Variants in C15orf40 observed in about 807,000 individuals in gnomAD.
The protein encoded by C15orf40 is chromosome 15 open reading frame 40, also known as UPF0235 protein C15orf40.
Under a neutral mutation model 13.9 loss-of-function variants are expected in C15orf40, and 9 were observed. The ratio of observed to expected loss-of-function variants is 0.65; its 90% CI spans 0.39 to 1.13. C15orf40 has a LOEUF of 1.13. Ranked by LOEUF, C15orf40 falls within the 50% of genes most tolerant of loss-of-function variation. The probability of loss-of-function intolerance (pLI) is 0.01; values close to 1 mark genes in which losing one functional copy is unlikely to be tolerated. For missense variants in C15orf40, 225 were observed against 188.5 expected (o/e 1.19, Z -1.13); for synonymous variants, 95 against 69.2 (o/e 1.37, Z -1.85).
In C15orf40 at chr15:83,000,434, C is replaced by G. The variant is rs1289179107; in HGVS notation, c.*5163G>C. The G allele has an allele frequency of 1.3e-5, 2 of 152,252 alleles. No homozygotes were observed. Among genetic ancestry groups the G allele is most frequent in the Non-Finnish European group, 2.9e-5 (2 of 68,060 alleles). 9.4% of individuals were successfully genotyped at this position (152,252 alleles called of 1,614,324 possible). ...GGCCCCAAGTTAACAACACTCCGAC[C>G]TGAGCTAAATTTAAGATACAAGGGG... On this transcript the variant is annotated 3_prime_UTR_variant, in exon 4 of 4. Transcript: ENST00000304177.
chr15:83,010,113 A>C (rs2031912233), intron 2 of C15orf40, 124 bp downstream of exon 2: 4 of 1,287,108 alleles, frequency 3.1e-6, no homozygotes, highest in Admixed American at 2.3e-5. Flanking sequence ...AAAATGGAGA[A>C]GCCTCTAACT....
intron 1 of C15orf40, 31 bp downstream of exon 1, chr15:83,011,465 AC>A: frequency 6.3e-7 from 1 of 1,577,690 alleles, no homozygotes. Flanking sequence ...CCTGAGGCCC[AC>A]CCCTCTGCCG....
intron 2 of C15orf40, among the ~76,000 whole-genome samples, chr15:83,009,211 C>T (rs1596412208): frequency 6.6e-6 from 1 of 152,216 alleles, no homozygotes; most frequent in African/African-American, 2.4e-5. Context: ...TTACTATACA[C>T]CAATTTTAAG....
At position 83,003,678 on chromosome 15, in the gene C15orf40, T is replaced by TG. The variant is rs1044026474; in HGVS notation, c.*1918dup. 1 of 152,244 alleles carries TG rather than the reference T, an allele frequency of 6.6e-6. No individual in the cohort carries two copies. The highest frequency in any genetic ancestry group is 2.4e-5 in the African/African-American group (1 of 41,454). The allele number at this position is 152,244 out of a possible 1,614,324, so 9.4% of individuals were successfully genotyped here. On this transcript the variant is annotated 3_prime_UTR_variant, in exon 4 of 4. Coordinates refer to ENST00000304177, the MANE Select transcript of C15orf40 (RefSeq NM_144597.3). ...TGATCTCACATAAGCCACCTTTTCT[T>TG]GCCCTTGATACCTATTTGGTACAAG...
At chr15:83,008,733 A>G in intron 2 of C15orf40, 58 bp from the exon 3 acceptor site, 1 of 1,517,630 alleles carries the variant, frequency 6.6e-7, no homozygotes, top group Non-Finnish European at 8.8e-7. Context: ...TCATGAAGCA[A>G]GGACATTTTG....
rs2031926421 is a variant in C15orf40 at position 83,010,315 on chromosome 15, G to A, written c.160C>T (p.Pro54Ser). 6.2e-7 allele frequency: 1 copy of A among 1,614,084 alleles called. No individual in the cohort carries two copies. The highest frequency in any genetic ancestry group is 1.3e-5 in the African/African-American group (1 of 74,936). ...CATCCTTTAGGATCAACTGCCACAG[G>A]ACCTAAGGGAGGAAGTGGTCTCTCT... ...EPERPLPPLG[P>S]VAVDPKGCVT... Residue 54 changes from proline (P) to serine (S), a missense_variant, in exon 2 of 4, where the codon CCT becomes TCT. Transcript: ENST00000304177.
At chr15:82,994,164 T>C (rs1156778276), downstream of C15orf40, among the ~76,000 whole-genome samples, 2 of 152,186 alleles carry the variant, frequency 1.3e-5, no homozygotes, top group Non-Finnish European at 2.9e-5. Context: ...TGTATTTTAT[T>C]CACCTAAAGA....
downstream of C15orf40, among the ~76,000 whole-genome samples, chr15:82,993,329 A>G (rs914885156): frequency 2.0e-5 from 3 of 152,252 alleles, no homozygotes; most frequent in Admixed American, 2.0e-4. Flanking sequence ...TGTAAAGCGT[A>G]GTGTTGACAT....
chr15:83,011,210 T>C, intron 1 of C15orf40: 1 of 338,600 alleles, frequency 3.0e-6, no homozygotes, highest in Non-Finnish European at 5.4e-6. Context: ...GGACTGGGAG[T>C]GCGGGTAGGA....
At position 83,001,792 on chromosome 15, in the gene C15orf40, G is replaced by A. The variant is rs1304798335; in HGVS notation, c.*3805C>T. ...CCTGTGTGAGACAATTAAGTTGTGA[G>A]GCTGCTGTAGACTATCTTGTTTGCA... On this transcript the variant is annotated 3_prime_UTR_variant, in exon 4 of 4. Transcript: ENST00000304177. 6.6e-6 allele frequency: 1 copy of A among 152,236 alleles called. No individual in the cohort carries two copies. The highest frequency in any genetic ancestry group is 6.5e-5 in the Admixed American group (1 of 15,280). The allele number at this position is 152,236 out of a possible 1,614,324, so 9.4% of individuals were successfully genotyped here. A position where few individuals can be genotyped will look rare whatever the true frequency, so the allele number is the denominator to read the frequency against.
chr15:82,990,437 T>C (rs2030806181), downstream of C15orf40: 5 of 504,320 alleles, frequency 9.9e-6, no homozygotes, highest in East Asian at 1.2e-4. Context: ...TTAGATGTGC[T>C]CGTTTCTAAA....
downstream of C15orf40, chr15:82,990,116 GA>G: frequency 1.2e-6 from 1 of 868,840 alleles, no homozygotes; most frequent in Non-Finnish European, 1.6e-6. Context: ...GTTACCATGA[GA>G]AAAGTTTGGG....
intron 1 of C15orf40, 143 bp from the exon 2 acceptor site, chr15:83,010,506 C>G: frequency 5.4e-6 from 5 of 923,492 alleles, no homozygotes; most frequent in Non-Finnish European, 8.3e-6. Flanking sequence ...ACCTAGAAAG[C>G]TTTTCCCACA....
At chr15:82,990,695 G>C (rs2030818796), downstream of C15orf40, 3 of 1,484,218 alleles carry the variant, frequency 2.0e-6, no homozygotes, top group Non-Finnish European at 1.8e-6. Flanking sequence ...TTTGTGTCTT[G>C]ATCTGGTGGT....
rs1195037251 is a variant in C15orf40 at position 83,001,696 on chromosome 15, C to T, written c.*3901G>A. 2 of 152,190 alleles carry T rather than the reference C, an allele frequency of 1.3e-5. No homozygotes were observed. Among genetic ancestry groups the T allele is most frequent in the Non-Finnish European group, 2.9e-5 (2 of 68,044 alleles). The allele number at this position is 152,190 out of a possible 1,614,324, so 9.4% of individuals were successfully genotyped here. On this transcript the variant is annotated 3_prime_UTR_variant, in exon 4 of 4. Transcript: ENST00000304177. ...ACCAGGGCCCAGATGATGAAAAGTA[C>T]ATTAACTGAGCTTCTACAGCAGGTC...
chr15:83,006,739 C>T (rs535262635), intron 3 of C15orf40, among the ~76,000 whole-genome samples: 15 of 152,332 alleles, frequency 9.8e-5, no homozygotes, highest in Admixed American at 4.6e-4. Context: ...GCACCCTAGC[C>T]TGGGCAACAA....
chr15:83,001,043 C>G lies in C15orf40; in HGVS notation c.*4554G>C. 6.8e-6 allele frequency: 6 copies of G among 887,468 alleles called. No homozygotes were observed. Among genetic ancestry groups the G allele is most frequent in the Non-Finnish European group, 8.1e-6 (6 of 740,598 alleles). The allele number at this position is 887,468 out of a possible 1,614,324, so 55.0% of individuals were successfully genotyped here. A position where few individuals can be genotyped will look rare whatever the true frequency, so the allele number is the denominator to read the frequency against. ...GGTCAGGCTGGTCTTAAACTCCTGA[C>G]TTCAAGTGATCCACCCGCCTCAGCC... On this transcript the variant is annotated 3_prime_UTR_variant, in exon 4 of 4. Transcript: ENST00000304177.
chr15:82,990,934 TATAA>T (rs913194011), downstream of C15orf40: 6 of 306,620 alleles, frequency 2.0e-5, no homozygotes, highest in South Asian at 1.1e-4. Flanking sequence ...CTTTCTCTCC[TATAA>T]ATAGTGATGC....
downstream of C15orf40, chr15:82,989,856 G>C: frequency 1.9e-6 from 3 of 1,607,446 alleles, no homozygotes; most frequent in Non-Finnish European, 2.6e-6. Flanking sequence ...GAAGTTTAAA[G>C]ATCTTTTTTG....
Sources: gnomAD v4.1 joint callset for allele counts (sites outside exome capture counted in the v4.1 genomes callset) on GRCh38, gnomAD v4.1.1 for gene constraint, MANE v1.5 for transcripts, NCBI Gene and HGNC (gene_info 2026-07-23, HGNC 2026-07-21) for gene names.